Variants in WRN observed in about 807,000 individuals in gnomAD.
WRN encodes the protein bifunctional 3'-5' exonuclease/ATP-dependent helicase WRN.
Under a neutral mutation model 180.7 loss-of-function variants are expected in WRN, and 149 were observed. The ratio of observed to expected loss-of-function variants is 0.82; its 90% CI spans 0.72 to 0.94. The LOEUF is 0.94. WRN is among the 40% of genes least tolerant of loss of function. The pLI, the probability that WRN is intolerant of heterozygous loss-of-function variation, is 0.00. For missense variants in WRN, 1,661 were observed against 1,700.1 expected (o/e 0.98, Z 0.40); for synonymous variants, 548 against 568.9 (o/e 0.96, Z 0.52).
chr8:31,058,162 C>T (rs932750965), intron 1 of WRN, among the ~76,000 whole-genome samples: 21 of 152,040 alleles, frequency 1.4e-4, no homozygotes, highest in African/African-American at 4.6e-4. Flanking sequence ...AATAGAATTT[C>T]GAAACTACCA....
At chr8:31,103,110 A>G (rs1385956345) in intron 18 of WRN, among the ~76,000 whole-genome samples, 1 of 152,136 alleles carries the variant, frequency 6.6e-6, no homozygotes. Context: ...TTCCACCTCC[A>G]CGTCTTATCC....
At position 31,081,214 on chromosome 8, in the gene WRN, A is replaced by T; in HGVS notation, c.1187A>T (p.Asp396Val). The change falls in exon 9 of 35, where the codon GAT becomes GTT. Residue 396 changes from aspartate to valine, a missense_variant. Around this residue, in one of 3 missense-constraint regions of WRN, gnomAD observed 500 missense variants for 504.1 expected, o/e 0.99. Transcript: ENST00000298139. ...GAAAGAGCTTGTTTGATGTCGTTAG[A>T]TATTACAGAACATGAACTCCAAATT... is the stretch of plus-strand genomic sequence containing the variant. ...NMERACLMSL[D>V]ITEHELQILE... is the part of the protein sequence containing the mutation. 6.2e-7 allele frequency: 1 copy of T among 1,613,678 alleles called. No homozygotes were observed. Among genetic ancestry groups the T allele is most frequent in the Non-Finnish European group, 8.5e-7 (1 of 1,179,738 alleles).
At position 31,120,274 on chromosome 8, in the gene WRN, G is replaced by T. The variant is rs1490787455; in HGVS notation, c.2480G>T (p.Gly827Val). The change falls in exon 21 of 35, where the codon GGC becomes GTC. Residue 827 changes from glycine (G) to valine (V), a missense_variant. Physicochemically the swap from Gly to Val is moderately radical, Grantham distance 109. Coordinates refer to ENST00000298139, the MANE Select transcript of WRN (RefSeq NM_000553.6). ...ATAGCTACCATAGCTTTTGGAATGGGCATTAATAAAGCTGACATTCGCCAA... is the reference window on the plus strand; with the variant it reads ...ATAGCTACCATAGCTTTTGGAATGGTCATTAATAAAGCTGACATTCGCCAA... ...CVIATIAFGMGINKADIRQVI... is the reference protein window; with the variant it reads ...CVIATIAFGMVINKADIRQVI... 1 of 1,612,720 alleles carries T rather than the reference G, an allele frequency of 6.2e-7. No homozygotes were observed. Among genetic ancestry groups the T allele is most frequent in the Non-Finnish European group, 8.5e-7 (1 of 1,179,078 alleles).
At chr8:31,063,872 T>C (rs750580072) in intron 3 of WRN, among the ~76,000 whole-genome samples, 2 of 152,068 alleles carry the variant, frequency 1.3e-5, no homozygotes, top group Non-Finnish European at 2.9e-5. Flanking sequence ...TACAGGTGTG[T>C]GCCACCAAGC....
intron 1 of WRN, among the ~76,000 whole-genome samples, chr8:31,038,157 T>G (rs1234694579): frequency 6.6e-6 from 1 of 152,164 alleles, no homozygotes; most frequent in Non-Finnish European, 1.5e-5. Context: ...TAGTTTAGCT[T>G]TTTAAGGAAC....
intron 1 of WRN, among the ~76,000 whole-genome samples, 159 bp downstream of exon 1, chr8:31,034,132 C>T (rs1370066628): frequency 2.6e-5 from 4 of 152,276 alleles, no homozygotes; most frequent in East Asian, 3.9e-4. Context: ...TTTTCCTTTC[C>T]CCTCTGGAGC....
intron 17 of WRN, among the ~76,000 whole-genome samples, chr8:31,097,416 A>G (rs2130207552): frequency 6.6e-6 from 1 of 152,320 alleles, no homozygotes; most frequent in Admixed American, 6.5e-5. Context: ...ATTCTGATAT[A>G]TAGCCCGGGT....
At chr8:31,091,157 A>AT (rs1444666197) in intron 15 of WRN, among the ~76,000 whole-genome samples, 4 of 152,038 alleles carry the variant, frequency 2.6e-5, no homozygotes, top group African/African-American at 7.2e-5. Context: ...CCCTGATAAA[A>AT]TTTTTTTAAA....
chr8:31,112,360 C>T (rs1015208897), intron 19 of WRN, among the ~76,000 whole-genome samples: 3 of 152,160 alleles, frequency 2.0e-5, no homozygotes, highest in Admixed American at 1.3e-4. Context: ...GAAAAGGTCA[C>T]CTTACAAACA....
Position 31,150,408 on chromosome 8 carries a change from C to T in WRN, c.3640C>T (p.Pro1214Ser), listed in dbSNP as rs371980000. 3 of 1,614,044 alleles carry T rather than the reference C, an allele frequency of 1.9e-6. No homozygotes were observed. In the African/African-American group the frequency reaches 4.0e-5, roughly 22 times the overall value. Residue 1214 changes from proline to serine, a missense_variant, in exon 31 of 35, where the codon CCT becomes TCT. Physicochemically the swap from Pro to Ser is moderately conservative, Grantham distance 74 (BLOSUM62 -1). This residue lies in a region of WRN where 1,141 missense variants were observed against 1,149.4 expected (regional missense o/e 0.99). Transcript: ENST00000298139. ...VSEGKAAMLAPLLEVIKHFCQ... is the reference protein window; with the variant it reads ...VSEGKAAMLASLLEVIKHFCQ... ...TGAAGGCAAAGCTGCCATGTTGGCC[C>T]CTCTGTTGGAAGTCATCAAACATTT... is the stretch of plus-strand genomic sequence containing the variant.
intron 33 of WRN, among the ~76,000 whole-genome samples, chr8:31,158,017 G>A (rs1803458547): frequency 6.6e-6 from 1 of 152,096 alleles, no homozygotes; most frequent in African/African-American, 2.4e-5. Context: ...TGTGAGCCAT[G>A]GCACCTGGCC....
At chr8:31,142,734 C>A in intron 27 of WRN, 33 bp downstream of exon 27, 1 of 1,501,810 alleles carries the variant, frequency 6.7e-7, no homozygotes, top group Non-Finnish European at 9.2e-7. Context: ...TGATTTATTT[C>A]ATTCTTTATT....
At position 31,143,244 on chromosome 8, in the gene WRN, C is replaced by T. The variant is rs117801356; in HGVS notation, c.3310-306C>T. ...TACATTTTCTGGTGAACTTTTTCTG[C>T]TTTATTGAAGTATGCAGAATGTAAA... is the stretch of plus-strand genomic sequence containing the variant. On this transcript the variant is annotated intron_variant, in intron 27 of 34. Transcript: ENST00000298139. Among the ~76,000 whole-genome samples, 887 of 152,214 alleles carry T rather than the reference C, an allele frequency of 5.8e-3. 8 individuals are homozygous for T. The highest frequency in any genetic ancestry group is 9.3e-3 in the Non-Finnish European group (630 of 67,998).
intron 6 of WRN, among the ~76,000 whole-genome samples, chr8:31,067,871 A>G (rs1451782214): frequency 1.3e-5 from 2 of 152,186 alleles, no homozygotes; most frequent in Non-Finnish European, 2.9e-5. Flanking sequence ...CAAACAATTC[A>G]CTTTTGTTAG....
At chr8:31,141,845 C>T (rs1585515275) in intron 26 of WRN, 70 bp downstream of exon 26, 18 of 1,405,024 alleles carry the variant, frequency 1.3e-5, no homozygotes, top group Non-Finnish European at 1.8e-5. Context: ...CAAATTATAC[C>T]AGTTTATAGG....
At chr8:31,127,652 T>C (rs1161389077) in intron 23 of WRN, among the ~76,000 whole-genome samples, 1 of 151,732 alleles carries the variant, frequency 6.6e-6, no homozygotes, top group African/African-American at 2.4e-5. Flanking sequence ...TGGCTCACAC[T>C]TGTAGTATTA....
At chr8:31,105,244 A>G (rs1801048978) in intron 18 of WRN, among the ~76,000 whole-genome samples, 1 of 152,202 alleles carries the variant, frequency 6.6e-6, no homozygotes, top group Non-Finnish European at 1.5e-5. Context: ...AGCTATTAAA[A>G]TCTTCATACT....
chr8:31,143,682 A>G, intron 28 of WRN, 59 bp downstream of exon 28: 24 of 1,266,824 alleles, frequency 1.9e-5, no homozygotes, highest in Non-Finnish European at 2.6e-5. Flanking sequence ...TTTTTTCTAA[A>G]GAGAAAGAAC....
rs758515093 is a variant in WRN, at chr8:31,067,215, G to GAA, written c.654+33_654+34insAA. On this transcript the variant is annotated intron_variant, in intron 6 of 34. Transcript: ENST00000298139. ...CTTAAAGATCTTTAGAAATTGTGAT[G>GAA]TGTTTTAAAAACATTATTATAAATG... 2.5e-6 allele frequency: 4 copies of GAA among 1,610,850 alleles called. No homozygotes were observed. In the East Asian group the frequency reaches 8.9e-5, roughly 36 times the overall value.
Sources: allele counts gnomAD v4.1 joint callset (sites outside exome capture counted in the v4.1 genomes callset), GRCh38; gene constraint gnomAD v4.1.1; regional missense constraint gnomAD v4.1.1; transcripts MANE v1.5; gene names NCBI Gene and HGNC (gene_info 2026-07-23, HGNC 2026-07-21).